Variants in LHX8 observed in about 807,000 individuals in gnomAD.
The protein encoded by LHX8 is LIM/homeobox protein Lhx8.
In LHX8, 12 loss-of-function variants were observed where a neutral mutation model predicts 40.3. The ratio of observed to expected loss-of-function variants is 0.30; its 90% CI spans 0.19 to 0.48. The LOEUF is 0.48. Among genes scored for constraint, LHX8 ranks in the 20% least tolerant of loss-of-function variants. The pLI is 0.99. For synonymous variants in LHX8, 179 were observed against 162.0 expected, an observed-to-expected ratio of 1.10 and a Z score of -0.80; for missense variants, 344 against 433.7, an observed-to-expected ratio of 0.79 and a Z score of 1.84.
At chr1:75,136,482 C>A (rs887887618) in intron 1 of LHX8, 121 bp from the exon 2 acceptor site, 2 of 693,660 alleles carry the variant, frequency 2.9e-6, no homozygotes, top group East Asian at 3.3e-5. Context: ...GACGGCTGCA[C>A]GCGCTGCCCC....
the LHX8 span, among the ~76,000 whole-genome samples, chr1:75,196,143 T>A: frequency 6.6e-6 from 1 of 152,132 alleles, no homozygotes; most frequent in East Asian, 1.9e-4. Context: ...AGTTGGATTT[T>A]TTTTTCCCTC....
the LHX8 span, among the ~76,000 whole-genome samples, chr1:75,187,416 A>G: frequency 3.3e-5 from 5 of 152,226 alleles, no homozygotes; most frequent in African/African-American, 1.2e-4. Flanking sequence ...ATGACAGACC[A>G]TCTTGGCTGA....
At chr1:75,190,468 C>A in the LHX8 span, among the ~76,000 whole-genome samples, 4 of 152,262 alleles carry the variant, frequency 2.6e-5, no homozygotes, top group East Asian at 5.8e-4. Context: ...GATAGTCAAG[C>A]TTGACATTTG....
chr1:75,176,748 A>C, the LHX8 span, among the ~76,000 whole-genome samples: 1 of 152,220 alleles, frequency 6.6e-6, no homozygotes, highest in Non-Finnish European at 1.5e-5. Context: ...GTCCTCGCCC[A>C]TGCCTATGTC....
downstream of LHX8, among the ~76,000 whole-genome samples, chr1:75,166,417 TTTTC>T (rs1466046204): frequency 6.6e-6 from 1 of 152,210 alleles, no homozygotes; most frequent in Admixed American, 6.5e-5. Context: ...TCCAAAATAA[TTTTC>T]TTAAACCCAA....
the LHX8 span, among the ~76,000 whole-genome samples, chr1:75,170,832 C>G: frequency 6.6e-6 from 1 of 152,174 alleles, no homozygotes. Context: ...TAATTCACAC[C>G]ATATTTGCTC....
At chr1:75,177,387 C>A in the LHX8 span, among the ~76,000 whole-genome samples, 1 of 152,174 alleles carries the variant, frequency 6.6e-6, no homozygotes, top group Admixed American at 6.5e-5. Context: ...AGAGGTCCTT[C>A]ACATCCCTTG....
chr1:75,161,971 A>G (rs1311884388), downstream of LHX8, among the ~76,000 whole-genome samples: 5 of 152,120 alleles, frequency 3.3e-5, no homozygotes, highest in African/African-American at 7.2e-5. Context: ...GGACTTACAA[A>G]TTTTTGAATT....
At chr1:75,193,277 T>C in the LHX8 span, among the ~76,000 whole-genome samples, 3 of 152,142 alleles carry the variant, frequency 2.0e-5, no homozygotes, top group Non-Finnish European at 4.4e-5. Flanking sequence ...CACATTGCCT[T>C]TCCACATTTC....
the LHX8 span, among the ~76,000 whole-genome samples, chr1:75,173,575 G>A: frequency 1.3e-5 from 2 of 151,550 alleles, no homozygotes; most frequent in Non-Finnish European, 2.9e-5. Flanking sequence ...GTAGAGACGG[G>A]ATTTCACCGT....
At position 75,143,323 on chromosome 1, in the gene LHX8, A is replaced by C; in HGVS notation, c.565A>C (p.Arg189=). ...HYDCMLDNLK[R]EVENGNGISV... is the part of the protein sequence containing the mutation. ...TGACTGCATGCTGGATAATTTAAAA[A>C]GAGAAGTAGAAAATGGTAAATATGT... Residue 189 remains arginine (R), a synonymous_variant, in exon 5 of 9, where the codon AGA becomes CGA. Transcript: ENST00000356261. The C allele has an allele frequency of 1.9e-6, 3 of 1,609,772 alleles. No individual in the cohort carries two copies. Among genetic ancestry groups the C allele is most frequent in the Non-Finnish European group, 2.5e-6 (3 of 1,176,530 alleles).
the LHX8 span, among the ~76,000 whole-genome samples, chr1:75,188,660 TGAG>T: frequency 6.2e-3 from 937 of 152,340 alleles, 12 homozygotes; most frequent in African/African-American, 0.021. Context: ...TTGGTGACTG[TGAG>T]GAGAATTCCT....
intron 1 of LHX8, among the ~76,000 whole-genome samples, chr1:75,128,829 C>T (rs1456929281): frequency 1.3e-5 from 2 of 152,160 alleles, no homozygotes; most frequent in Non-Finnish European, 2.9e-5. Flanking sequence ...ATTGTGCATC[C>T]TTGGGCCTAG....
chr1:75,147,574 G>A (rs1526513), intron 6 of LHX8, among the ~76,000 whole-genome samples: 106,160 of 152,060 alleles, frequency 0.7, 38,004 homozygotes, highest in Middle Eastern at 0.81. Flanking sequence ...TGAAAAGAGT[G>A]AAGTCCAGCA....
chr1:75,148,223 G>A (rs1032233646), intron 6 of LHX8, among the ~76,000 whole-genome samples: 1 of 152,090 alleles, frequency 6.6e-6, no homozygotes, highest in African/African-American at 2.4e-5. Flanking sequence ...TATGATTTTT[G>A]TATTAAGTTT....
upstream of LHX8, chr1:75,131,511 A>T (rs907293027): frequency 2.0e-5 from 3 of 152,446 alleles, no homozygotes; most frequent in African/African-American, 7.2e-5. Flanking sequence ...GTGCGAGCTG[A>T]GTGTGAAAAT....
At chr1:75,173,449 T>A in the LHX8 span, among the ~76,000 whole-genome samples, 9 of 143,444 alleles carry the variant, frequency 6.3e-5, no homozygotes, top group South Asian at 1.8e-3. Context: ...AGTGGCACGA[T>A]CTCGACTCAC....
At chr1:75,182,494 C>G in the LHX8 span, among the ~76,000 whole-genome samples, 2 of 151,616 alleles carry the variant, frequency 1.3e-5, no homozygotes, top group Non-Finnish European at 2.9e-5. Context: ...CTGCCTCAGG[C>G]TCCCAAGTAG....
downstream of LHX8, among the ~76,000 whole-genome samples, chr1:75,165,873 G>A (rs1188560577): frequency 2.6e-5 from 4 of 152,108 alleles, no homozygotes; most frequent in Non-Finnish European, 5.9e-5. Context: ...ACACCATTTA[G>A]CATGGAATGG....
Sources: gnomAD v4.1 joint callset for allele counts (sites outside exome capture counted in the v4.1 genomes callset) on GRCh38, gnomAD v4.1.1 for gene constraint, MANE v1.5 for transcripts, NCBI Gene and HGNC (gene_info 2026-07-23, HGNC 2026-07-21) for gene names.